RTF1: variants seen among roughly 807,000 people sequenced by gnomAD.
The protein encoded by RTF1 is RTF1 homolog, Paf1/RNA polymerase II complex component, also known as RNA polymerase-associated protein RTF1 homolog.
Under a neutral mutation model 95.7 loss-of-function variants are expected in RTF1, and 10 were observed. The ratio of observed to expected loss-of-function variants is 0.10; its 90% CI spans 0.06 to 0.18. The LOEUF (loss-of-function observed/expected upper bound fraction) is 0.18. Among genes scored for constraint, RTF1 ranks in the 10% least tolerant of loss-of-function variants. RTF1 has a pLI of 1.00. For synonymous variants in RTF1, 305 were observed against 311.8 expected (o/e 0.98, Z 0.23); for missense variants, 458 against 875.6 (o/e 0.52, Z 6.02).
At position 41,461,704 on chromosome 15, in the gene RTF1, C is replaced by T. The variant is rs146218253; in HGVS notation, c.663-3067C>T. Among the ~76,000 whole-genome samples, 562 of 151,182 alleles carry T rather than the reference C, an allele frequency of 3.7e-3. 6 individuals carry two copies. The highest frequency in any genetic ancestry group is 0.013 in the African/African-American group (521 of 41,242). On this transcript the variant is annotated intron_variant, in intron 4 of 17. Coordinates refer to ENST00000389629, the MANE Select transcript of RTF1 (RefSeq NM_015138.5). ...TGGGGTTTCACCGTGTTAGCCAGGA[C>T]GGTCTTGATCTCTTGACCTCGTGTT...
chr15:41,430,174 A>ATTT (rs773433000), intron 1 of RTF1, among the ~76,000 whole-genome samples: 11 of 110,238 alleles, frequency 1.0e-4, no homozygotes, highest in Non-Finnish European at 1.3e-4. Flanking sequence ...TGTCTGGCTA[A>ATTT]TTTTTTTTTT....
At chr15:41,446,003 GC>G (rs201882526) in intron 2 of RTF1, among the ~76,000 whole-genome samples, 1,844 of 152,188 alleles carry the variant, frequency 0.012, 16 homozygotes, top group Middle Eastern at 0.031. Context: ...CTCCCAGAGT[GC>G]TGATCCCAGC....
rs762035586 is a variant in RTF1 at position 41,480,569 on chromosome 15, T to A, written c.2027-12T>A. The A allele has an allele frequency of 4.4e-6, 7 of 1,604,418 alleles. No individual in the cohort carries two copies. In the South Asian group the frequency reaches 6.6e-5, roughly 15 times the overall value. ...GGGACCTCAGCTGCCAACTTGCTCTTCTTTCCCACAGAGTCAAAGGCTTTA... is the reference window on the plus strand; with the variant it reads ...GGGACCTCAGCTGCCAACTTGCTCTACTTTCCCACAGAGTCAAAGGCTTTA... On this transcript the variant is annotated splice_polypyrimidine_tract_variant and intron_variant, in intron 17 of 17. Coordinates refer to ENST00000389629, the MANE Select transcript of RTF1 (RefSeq NM_015138.5).
chr15:41,449,376 G>A (rs970560727), intron 2 of RTF1, among the ~76,000 whole-genome samples: 71 of 151,974 alleles, frequency 4.7e-4, no homozygotes, highest in Non-Finnish European at 8.2e-4. Context: ...GACTACAGGC[G>A]CCCGCCACCA....
intron 2 of RTF1, among the ~76,000 whole-genome samples, chr15:41,442,707 G>A (rs908913074): frequency 1.3e-5 from 2 of 151,882 alleles, no homozygotes; most frequent in Non-Finnish European, 2.9e-5. Context: ...CCAAAATGGC[G>A]AAACCCTGTC....
intron 2 of RTF1, among the ~76,000 whole-genome samples, chr15:41,441,611 G>C (rs1370188322): frequency 6.6e-6 from 1 of 152,104 alleles, no homozygotes; most frequent in African/African-American, 2.4e-5. Context: ...CATGGTTTAG[G>C]GTTCCCTTTG....
intron 12 of RTF1, among the ~76,000 whole-genome samples, chr15:41,476,842 G>T (rs1329136201): frequency 6.6e-6 from 1 of 152,226 alleles, no homozygotes; most frequent in Non-Finnish European, 1.5e-5. Context: ...GCCACCTGTG[G>T]CTGGTGATTT....
At chr15:41,476,727 G>T (rs1172099222) in intron 12 of RTF1, among the ~76,000 whole-genome samples, 3 of 152,240 alleles carry the variant, frequency 2.0e-5, no homozygotes, top group Non-Finnish European at 4.4e-5. Context: ...TTCTGCGTGT[G>T]TGCCAGTCTT....
At chr15:41,451,276 A>T (rs75324311) in intron 2 of RTF1, among the ~76,000 whole-genome samples, 1 of 152,240 alleles carries the variant, frequency 6.6e-6, no homozygotes, top group South Asian at 2.1e-4. Context: ...AAAGATGATT[A>T]TTCTTTATGG....
intron 2 of RTF1, among the ~76,000 whole-genome samples, chr15:41,438,928 A>G (rs1595428857): frequency 6.7e-6 from 1 of 148,194 alleles, no homozygotes; most frequent in African/African-American, 2.5e-5. Flanking sequence ...CTAGTTACCT[A>G]GTGGGTCCCT....
intron 6 of RTF1, among the ~76,000 whole-genome samples, chr15:41,468,186 T>TCTCGGCTCACTGC (rs1566847278): frequency 6.6e-5 from 10 of 151,790 alleles, no homozygotes; most frequent in African/African-American, 2.4e-4. Flanking sequence ...GAAAAAGAAA[T>TCTCGGCTCACTGC]AATAACGTGT....
intron 1 of RTF1, among the ~76,000 whole-genome samples, chr15:41,433,252 AAAAT>A (rs939481077): frequency 2.6e-5 from 4 of 152,298 alleles, no homozygotes; most frequent in African/African-American, 4.8e-5. Context: ...CATCTCAAAA[AAAAT>A]AAATAAATAA....
chr15:41,474,307 G>C (rs1023534688), intron 8 of RTF1, among the ~76,000 whole-genome samples: 4 of 152,156 alleles, frequency 2.6e-5, no homozygotes, highest in African/African-American at 9.7e-5. Context: ...CTTCACATTT[G>C]GTTGATAAAA....
intron 9 of RTF1, 108 bp downstream of exon 9, chr15:41,474,810 A>G (rs1404472152): frequency 1.2e-6 from 1 of 815,336 alleles, no homozygotes; most frequent in African/African-American, 1.7e-5. Flanking sequence ...AACGCTATGT[A>G]TGCAATCCCC....
At chr15:41,434,918 C>T (rs183987442) in intron 1 of RTF1, among the ~76,000 whole-genome samples, 13 of 151,134 alleles carry the variant, frequency 8.6e-5, no homozygotes, top group Admixed American at 2.6e-4. Flanking sequence ...TGAGCCACCG[C>T]GCCTGGCCAG....
chr15:41,420,489 C>T (rs372188780), intron 1 of RTF1, among the ~76,000 whole-genome samples: 25 of 152,234 alleles, frequency 1.6e-4, no homozygotes, highest in Middle Eastern at 3.4e-3. Flanking sequence ...ATACCTTGTG[C>T]TGCTCCATCT....
At chr15:41,468,409 C>T (rs1350625535) in intron 6 of RTF1, among the ~76,000 whole-genome samples, 2 of 152,060 alleles carry the variant, frequency 1.3e-5, no homozygotes, top group East Asian at 3.9e-4. Context: ...GCTCCGCCTC[C>T]TGGGTTCACA....
At position 41,417,181 on chromosome 15, in the gene RTF1, A is replaced by AC; in HGVS notation, c.66_67insC (p.Gly23ArgfsTer56). 7.9e-7 allele frequency: 1 copy of AC among 1,265,002 alleles called. No individual in the cohort carries two copies. The highest frequency in any genetic ancestry group is 1.0e-6 in the Non-Finnish European group (1 of 1,001,036). The allele number at this position is 1,265,002 out of a possible 1,614,324, so 78.4% of individuals were successfully genotyped here. ...CGGCGGCAGTGGCGGTCCCACTGGC[A>AC]GGCGGGCAAGAGGGGAGTCCGGGCG... On this transcript the variant is annotated frameshift_variant, in exon 1 of 18. Coordinates refer to ENST00000389629, the MANE Select transcript of RTF1 (RefSeq NM_015138.5). LOFTEE classifies it high-confidence loss of function.
At chr15:41,447,630 G>A (rs2050770217) in intron 2 of RTF1, among the ~76,000 whole-genome samples, 1 of 152,132 alleles carries the variant, frequency 6.6e-6, no homozygotes. Context: ...TGTTCTGTGG[G>A]GTTGCATACA....
Sources: allele counts gnomAD v4.1 joint callset (sites outside exome capture counted in the v4.1 genomes callset), GRCh38; gene constraint gnomAD v4.1.1; transcripts MANE v1.5; gene names NCBI Gene and HGNC (gene_info 2026-07-23, HGNC 2026-07-21).